Variants in GLDC observed in about 807,000 individuals in gnomAD.
The protein encoded by GLDC is glycine dehydrogenase (decarboxylating), mitochondrial.
A neutral mutation model predicts 121.3 loss-of-function variants in GLDC; 104 were observed. The ratio of observed to expected loss-of-function variants is 0.86; its 90% CI spans 0.73 to 1.01. GLDC has a LOEUF of 1.01. Ranked by LOEUF, GLDC falls within the 50% of genes least tolerant of loss-of-function variation. The pLI is 0.00. For synonymous variants in GLDC, 546 were observed against 480.6 expected, an observed-to-expected ratio of 1.14 and a Z score of -1.78; for missense variants, 1,429 against 1,306.6, an observed-to-expected ratio of 1.09 and a Z score of -1.44.
At chr9:6,566,060 G>GGC (rs1183677525) in intron 15 of GLDC, among the ~76,000 whole-genome samples, 1 of 152,162 alleles carries the variant, frequency 6.6e-6, no homozygotes, top group African/African-American at 2.4e-5. Flanking sequence ...TGGGCAGCAT[G>GGC]GCGGAACAGT....
intron 3 of GLDC, among the ~76,000 whole-genome samples, chr9:6,615,424 A>T (rs545200227): frequency 1.1e-3 from 104 of 92,758 alleles, no homozygotes; most frequent in African/African-American, 3.6e-3. Flanking sequence ...CTAAAAATTT[A>T]AAAAAAAAAA....
chr9:6,584,290 A>G (rs1254345927), intron 15 of GLDC, among the ~76,000 whole-genome samples: 1 of 152,250 alleles, frequency 6.6e-6, no homozygotes, highest in African/African-American at 2.4e-5. Flanking sequence ...TTTGAGTATA[A>G]CATCAGTGGC....
At chr9:6,611,803 A>G (rs1818862773) in intron 3 of GLDC, among the ~76,000 whole-genome samples, 2 of 152,100 alleles carry the variant, frequency 1.3e-5, no homozygotes, top group Non-Finnish European at 2.9e-5. Flanking sequence ...TTTCCTATTT[A>G]TCAGATGGAC....
In GLDC at chr9:6,605,072, T is replaced by C; in HGVS notation, c.861+59A>G. On this transcript the variant is annotated intron_variant, in intron 6 of 24. Coordinates refer to ENST00000321612, the MANE Select transcript of GLDC (RefSeq NM_000170.3). ...ATGAAAAGACAGAGAGAGAGATAGGTAGACAGATACAAGTTGGGATACGCC... is the reference window on the plus strand; with the variant it reads ...ATGAAAAGACAGAGAGAGAGATAGGCAGACAGATACAAGTTGGGATACGCC... 4 of 1,432,274 alleles carry C rather than the reference T, an allele frequency of 2.8e-6. No individual in the cohort carries two copies. In the South Asian group the frequency reaches 3.4e-5, roughly 12 times the overall value. 88.7% of individuals were successfully genotyped at this position (1,432,274 alleles called of 1,614,324 possible).
rs1817025907 is a variant in GLDC at position 6,532,751 on chromosome 9, A to C, written c.*266T>G. 4.4e-6 allele frequency: 2 copies of C among 455,022 alleles called. No individual in the cohort carries two copies. Among genetic ancestry groups the C allele is most frequent in the African/African-American group, 2.0e-5 (1 of 50,702 alleles). 28.2% of individuals were successfully genotyped at this position (455,022 alleles called of 1,614,324 possible). ...CCACATTAAAAGTTAAAGTTCCTAA[A>C]ACTTTCTACGCAAAACACAAAATGG... On this transcript the variant is annotated 3_prime_UTR_variant, in exon 25 of 25. Transcript: ENST00000321612.
intron 15 of GLDC, among the ~76,000 whole-genome samples, chr9:6,581,005 G>T (rs760427498): frequency 6.6e-6 from 1 of 152,170 alleles, no homozygotes; most frequent in Non-Finnish European, 1.5e-5. Flanking sequence ...TAAAATGACC[G>T]TATATGAACT....
intron 10 of GLDC, 60 bp from the exon 11 acceptor site, chr9:6,592,283 T>C: frequency 9.5e-7 from 1 of 1,051,180 alleles, no homozygotes; most frequent in East Asian, 2.4e-5. Flanking sequence ...ACTGGAGGAA[T>C]CCCAAGAGAG....
intron 2 of GLDC, among the ~76,000 whole-genome samples, chr9:6,631,161 C>A (rs956635450): frequency 4.6e-5 from 7 of 152,212 alleles, no homozygotes; most frequent in Non-Finnish European, 1.0e-4. Context: ...TCTAAGCCTG[C>A]CAGGCTCTTC....
In GLDC at chr9:6,605,132, C is replaced by A; in HGVS notation, c.860G>T (p.Gly287Val). The change falls in exon 6 of 25, where the codon GGG becomes GTG. Residue 287 changes from glycine (G) to valine (V), a missense_variant and splice_region_variant. Gly to Val is a moderately radical substitution (Grantham distance 109). Transcript: ENST00000321612. ...TELVERAHQS[G>V]SLACCATDLL... ...CCCCCACAAGAAAGGTATACCTACC[C>A]CACTCTGATGAGCTCTCTCCACGAG... is the stretch of plus-strand genomic sequence containing the variant. 6.2e-7 allele frequency: 1 copy of A among 1,612,272 alleles called. No homozygotes were observed. Among genetic ancestry groups the A allele is most frequent in the Non-Finnish European group, 8.5e-7 (1 of 1,179,842 alleles).
At chr9:6,593,781 C>T (rs561599240) in intron 9 of GLDC, among the ~76,000 whole-genome samples, 1 of 151,770 alleles carries the variant, frequency 6.6e-6, no homozygotes, top group South Asian at 2.1e-4. Context: ...CAACCTCCGC[C>T]TCCTAAATTC....
At chr9:6,605,305 T>C (rs1392017638) in intron 5 of GLDC, 27 bp from the exon 6 acceptor site, 9 of 1,611,908 alleles carry the variant, frequency 5.6e-6, no homozygotes, top group Non-Finnish European at 6.8e-6. Flanking sequence ...CAAAGAACAA[T>C]CGTGCTTTCG....
Position 6,532,985 on chromosome 9 carries a change from C to G in GLDC, c.*32G>C. ...TATCAAATGCTCTGGGGAGAGGCAT[C>G]AAATCAGTCCTTTAAACTTAGGGAC... On this transcript the variant is annotated 3_prime_UTR_variant, in exon 25 of 25. Transcript: ENST00000321612. 1 of 1,529,014 alleles carries G rather than the reference C, an allele frequency of 6.5e-7. No homozygotes were observed. Among genetic ancestry groups the G allele is most frequent in the Non-Finnish European group, 9.1e-7 (1 of 1,104,092 alleles). The allele number at this position is 1,529,014 out of a possible 1,614,324, so 94.7% of individuals were successfully genotyped here. A position where few individuals can be genotyped will look rare whatever the true frequency, so the allele number is the denominator to read the frequency against.
At chr9:6,633,646 G>A (rs1819436780) in intron 2 of GLDC, among the ~76,000 whole-genome samples, 1 of 151,828 alleles carries the variant, frequency 6.6e-6, no homozygotes, top group Non-Finnish European at 1.5e-5. Flanking sequence ...TTCTGGCCAG[G>A]CACAGTGGCT....
intron 2 of GLDC, among the ~76,000 whole-genome samples, chr9:6,638,776 C>T (rs1408817253): frequency 6.6e-6 from 1 of 152,022 alleles, no homozygotes; most frequent in Non-Finnish European, 1.5e-5. Flanking sequence ...TTTGGGAGGC[C>T]AAGGCAGGCA....
At chr9:6,622,762 T>TCTCTGCCCGGCCGC in intron 2 of GLDC, 1 of 210,606 alleles carries the variant, frequency 4.7e-6, no homozygotes. Context: ...GTGAGGAGCG[T>TCTCTGCCCGGCCGC]CTCTGCCCGG....
At chr9:6,542,343 A>T (rs190786116) in intron 21 of GLDC, 2 of 152,324 alleles carry the variant, frequency 1.3e-5, no homozygotes, top group Non-Finnish European at 2.9e-5. Context: ...GGCCCAAGCA[A>T]TCCTCTCAGT....
At chr9:6,609,721 C>T (rs959263330) in intron 4 of GLDC, among the ~76,000 whole-genome samples, 1 of 151,874 alleles carries the variant, frequency 6.6e-6, no homozygotes, top group Admixed American at 6.6e-5. Flanking sequence ...GCCGAGTCAG[C>T]TGTTTAAGGT....
intron 2 of GLDC, among the ~76,000 whole-genome samples, chr9:6,629,959 T>TATATATATATATGTATATATATATATATA (rs1449751329): frequency 1.8e-5 from 1 of 55,870 alleles, no homozygotes; most frequent in African/African-American, 1.5e-4. Flanking sequence ...ATATATATAT[T>TATATATATATATGTATATATATATATATA]TTTTTTTTTT....
chr9:6,566,715 T>G (rs1030919188), intron 15 of GLDC, among the ~76,000 whole-genome samples: 4 of 152,108 alleles, frequency 2.6e-5, no homozygotes, highest in African/African-American at 9.7e-5. Context: ...TCAGTCCCAT[T>G]CAAAATGTGT....
Sources: allele counts gnomAD v4.1 joint callset (sites outside exome capture counted in the v4.1 genomes callset), GRCh38; gene constraint gnomAD v4.1.1; transcripts MANE v1.5; gene names NCBI Gene and HGNC (gene_info 2026-07-23, HGNC 2026-07-21).